ATP8B3: variants seen among roughly 807,000 people sequenced by gnomAD.
ATP8B3 encodes the protein ATPase phospholipid transporting 8B3, also known as phospholipid-transporting ATPase IK.
Under a neutral mutation model 140.9 loss-of-function variants are expected in ATP8B3, and 141 were observed. That is an observed-to-expected ratio of 1.00 (90% CI 0.87 to 1.15). The LOEUF is 1.15. Ranked by LOEUF, ATP8B3 falls within the 50% of genes most tolerant of loss-of-function variation. ATP8B3 has a pLI of 0.00. For missense variants in ATP8B3, 1,874 were observed against 1,740.6 expected (o/e 1.08, Z -1.36); for synonymous variants, 765 against 714.6 (o/e 1.07, Z -1.13).
rs577911398 is a variant in ATP8B3, at chr19:1,794,039, T to G, written c.2055+1836A>C. Among the ~76,000 whole-genome samples the G allele has an allele frequency of 8.0e-5, 12 of 149,308 alleles. No homozygotes were observed. Among genetic ancestry groups the G allele is most frequent in the Non-Finnish European group, 1.8e-4 (12 of 67,300 alleles). On this transcript the variant is annotated intron_variant, in intron 18 of 28. Coordinates refer to ENST00000310127, the MANE Select transcript of ATP8B3 (RefSeq NM_138813.4). This position sits in a 1 kb window ranked among gnomAD's most constrained non-coding sequence, Gnocchi z 4.8. ...GCGTGAGCCATCGCGCCAGCCTGTT[T>G]ATTAAGAGACAGGGGTCTCGCCCTG... is the stretch of plus-strand genomic sequence containing the variant.
intron 10 of ATP8B3, among the ~76,000 whole-genome samples, chr19:1,804,347 T>C (rs1003689284): frequency 3.3e-5 from 5 of 152,100 alleles, no homozygotes; most frequent in African/African-American, 9.7e-5. Context: ...CGGTGGCTCA[T>C]GCCTGTAATC....
chr19:1,793,293 T>G (rs2068572071), intron 18 of ATP8B3, among the ~76,000 whole-genome samples: 1 of 151,970 alleles, frequency 6.6e-6, no homozygotes, highest in African/African-American at 2.4e-5. Context: ...TAAATAGAGG[T>G]GGTTTCACCA....
Position 1,796,245 on chromosome 19 carries a change from C to T in ATP8B3, c.1774G>A (p.Ala592Thr). 6.2e-7 allele frequency: 1 copy of T among 1,611,242 alleles called. No individual in the cohort carries two copies. Among genetic ancestry groups the T allele is most frequent in the Non-Finnish European group, 8.5e-7 (1 of 1,179,410 alleles). Reference sequence around the variant, plus strand: ...ACCAGCGCCCCCTCGTCGGGGGAGGCCGCCTGGTACAACAGCTGGTCTGGT... The same window carrying T: ...ACCAGCGCCCCCTCGTCGGGGGAGGTCGCCTGGTACAACAGCTGGTCTGGT... ...ERPDQLLYQAASPDEGALVTA... is the reference protein window; with the variant it reads ...ERPDQLLYQATSPDEGALVTA... Residue 592 changes from alanine (A) to threonine (T), a missense_variant, in exon 17 of 29, where the codon GCC (alanine) becomes ACC (threonine). Ala to Thr is a moderately conservative substitution (Grantham distance 58, BLOSUM62 0). This residue lies in a region of ATP8B3 where 1,032 missense variants were observed against 963.6 expected (regional missense o/e 1.07). Transcript: ENST00000310127.
rs752082674 is a variant in ATP8B3, at chr19:1,809,701, G to A, written c.344C>T (p.Ala115Val). 9 of 1,611,458 alleles carry A rather than the reference G, an allele frequency of 5.6e-6. 1 individual carries two copies. The South Asian group carries it at 9.9e-5, about 18-fold the overall frequency. Reference protein sequence around the residue: ...FTWKVQANNRAYNGQFKEKVI... With the variant: ...FTWKVQANNRVYNGQFKEKVI... The stretch of plus-strand genomic sequence containing the variant: ...CTTCTCCTTGAACTGCCCGTTGTAG[G>A]CACGGTTGTTGGCCTGGACCTTCCA... The change falls in exon 4 of 29, where the codon GCC becomes GTC. Residue 115 changes from alanine to valine, a missense_variant. Physicochemically the swap from Ala to Val is moderately conservative, Grantham distance 64. Coordinates refer to ENST00000310127, the MANE Select transcript of ATP8B3 (RefSeq NM_138813.4).
In ATP8B3 at chr19:1,791,781, G is replaced by T; in HGVS notation, c.2271C>A (p.Ile757=). 6.2e-7 allele frequency: 1 copy of T among 1,611,796 alleles called. No homozygotes were observed. ...ETIKCLKKSN[I]KIWVLTGDKQ... ...TGTCCCCGGTGAGCACCCATATTTT[G>T]ATGTTGCTCTTCTTGAGACATTTGA... Residue 757 remains isoleucine (I), a synonymous_variant, in exon 20 of 29, where the codon ATC becomes ATA. Coordinates refer to ENST00000310127, the MANE Select transcript of ATP8B3 (RefSeq NM_138813.4).
intron 24 of ATP8B3, 112 bp downstream of exon 24, chr19:1,788,785 C>T (rs1465358099): frequency 1.9e-6 from 2 of 1,055,590 alleles, no homozygotes; most frequent in African/African-American, 1.6e-5. Flanking sequence ...AAGCCCTGTC[C>T]ACCGAGGATC....
chr19:1,810,742 T>C, intron 2 of ATP8B3, 59 bp from the exon 3 acceptor site: 1 of 1,539,946 alleles, frequency 6.5e-7, no homozygotes, highest in Non-Finnish European at 8.8e-7. Flanking sequence ...TGGGCACCAC[T>C]CGGTCTTCAA....
chr19:1,806,795 C>G lies in ATP8B3; in HGVS notation c.616-106G>C, dbSNP rs897169334. 2 of 1,274,092 alleles carry G rather than the reference C, an allele frequency of 1.6e-6. No individual in the cohort carries two copies. The highest frequency in any genetic ancestry group is 3.0e-5 in the African/African-American group (2 of 67,582). 78.9% of individuals were successfully genotyped at this position (1,274,092 alleles called of 1,614,324 possible). A position where few individuals can be genotyped will look rare whatever the true frequency, so the allele number is the denominator to read the frequency against. On this transcript the variant is annotated intron_variant, in intron 6 of 28. Coordinates refer to ENST00000310127, the MANE Select transcript of ATP8B3 (RefSeq NM_138813.4). The surrounding 1 kb of genome is among the most constrained non-coding windows in gnomAD (Gnocchi z 5.6). ...CAGTGCCCGCCCGCAACACGGGGTC[C>G]CTGTCCGCTGGCCCCACGCCACGTT...
Position 1,800,233 on chromosome 19 carries a change from C to T in ATP8B3, c.1343+26G>A, listed in dbSNP as rs377053479. The T allele has an allele frequency of 2.8e-5, 45 of 1,606,272 alleles. No homozygotes were observed. Among genetic ancestry groups the T allele is most frequent in the Admixed American group, 1.0e-4 (6 of 58,966 alleles). ...ATGCCTCCCCGTTCCGCGTTTGCACCGGGGACGCAGCCGGCGGAGACTCAC... is the reference window on the plus strand; with the variant it reads ...ATGCCTCCCCGTTCCGCGTTTGCACTGGGGACGCAGCCGGCGGAGACTCAC... On this transcript the variant is annotated intron_variant, in intron 13 of 28. Transcript: ENST00000310127. This position sits in a 1 kb window ranked among gnomAD's most constrained non-coding sequence, Gnocchi z 4.4.
intron 21 of ATP8B3, 66 bp from the exon 22 acceptor site, chr19:1,790,055 C>T: frequency 8.0e-7 from 1 of 1,247,598 alleles, no homozygotes; most frequent in Non-Finnish European, 1.2e-6. Context: ...CCCGGGGGCT[C>T]CACTGCCCCT....
rs768349090 is a variant in ATP8B3 at position 1,784,912 on chromosome 19, G to T, written c.3567C>A (p.Ile1189=). The change falls in exon 28 of 29, where the codon ATC becomes ATA. Residue 1189 remains isoleucine (I), a synonymous_variant. Coordinates refer to ENST00000310127, the MANE Select transcript of ATP8B3 (RefSeq NM_138813.4). ...ACACACTCAGCAGGACCACCAGCAG[G>T]ATGGAGGGAGAGGACATCACGCTGA... ...ADLSVMSSPS[I]LLVVLLSVSI... 1.2e-6 allele frequency: 2 copies of T among 1,613,210 alleles called. No individual in the cohort carries two copies. Among genetic ancestry groups the T allele is most frequent in the South Asian group, 2.2e-5 (2 of 91,004 alleles).
At position 1,788,978 on chromosome 19, in the gene ATP8B3, G is replaced by C; in HGVS notation, c.2988C>G (p.Phe996Leu). Residue 996 changes from phenylalanine to leucine, a missense_variant, in exon 24 of 29, where the codon TTC (phenylalanine) becomes TTG (leucine). Transcript: ENST00000310127. The stretch of plus-strand genomic sequence containing the variant: ...TGCTCTTGTAGAAGAAGTAGCGCAG[G>C]AACTTGCAGATCCGCACGTAGGACC... Reference protein sequence around the residue: ...GRWSYVRICKFLRYFFYKSMA... With the variant: ...GRWSYVRICKLLRYFFYKSMA... 6.2e-7 allele frequency: 1 copy of C among 1,610,270 alleles called. No homozygotes were observed. The highest frequency in any genetic ancestry group is 8.5e-7 in the Non-Finnish European group (1 of 1,178,668).
In ATP8B3 at chr19:1,784,716, CGA is replaced by C. The variant is rs1600383422; in HGVS notation, c.3660+101_3660+102del. Reference sequence around the variant, plus strand: ...CCCCAAGCCTAGTGTCTTGGAGGGCCGAGAGGGGCCGGGACACCTTGCAGTCC... The same window carrying C: ...CCCCAAGCCTAGTGTCTTGGAGGGCCGAGGGGCCGGGACACCTTGCAGTCC... On this transcript the variant is annotated intron_variant, in intron 28 of 28. Transcript: ENST00000310127. 9 of 1,405,296 alleles carry C rather than the reference CGA, an allele frequency of 6.4e-6. No individual in the cohort carries two copies. The East Asian group carries it at 2.0e-4, about 32-fold the overall frequency. 87.1% of individuals were successfully genotyped at this position (1,405,296 alleles called of 1,614,324 possible). A position where few individuals can be genotyped will look rare whatever the true frequency, so the allele number is the denominator to read the frequency against.
Position 1,789,107 on chromosome 19 carries a change from G to A in ATP8B3, c.2859C>T (p.Gly953=), listed in dbSNP as rs1382025463. The A allele has an allele frequency of 1.3e-6, 2 of 1,588,510 alleles. No homozygotes were observed. The highest frequency in any genetic ancestry group is 1.7e-6 in the Non-Finnish European group (2 of 1,172,720). Residue 953 remains glycine, a synonymous_variant, in exon 24 of 29, where the codon GGC becomes GGT. Coordinates refer to ENST00000310127, the MANE Select transcript of ATP8B3 (RefSeq NM_138813.4). ...TGCCCTCCTGGCCCGCCAGCCCCAC[G>A]CCCACGTCCGCGGCTGCAGGGCACA... ...DINMIKTADV[G]VGLAGQEGMQ...
At position 1,807,056 on chromosome 19, in the gene ATP8B3, C is replaced by T; in HGVS notation, c.615+112G>A. ...CAGCTGAGGCTCCCAGGCCCACGTT[C>T]CCCTAATGCTCCAGGAAGCCCAGCC... On this transcript the variant is annotated intron_variant, in intron 6 of 28. Coordinates refer to ENST00000310127, the MANE Select transcript of ATP8B3 (RefSeq NM_138813.4). The surrounding 1 kb of genome is among the most constrained non-coding windows in gnomAD (Gnocchi z 5.9). 1.0e-6 allele frequency: 1 copy of T among 965,598 alleles called. No individual in the cohort carries two copies. 59.8% of individuals were successfully genotyped at this position (965,598 alleles called of 1,614,324 possible).
At chr19:1,795,279 C>G (rs1228935232) in intron 18 of ATP8B3, among the ~76,000 whole-genome samples, 1 of 151,544 alleles carries the variant, frequency 6.6e-6, no homozygotes, top group Non-Finnish European at 1.5e-5. Context: ...AGGCTGGGCG[C>G]GATGGCTCAT....
At position 1,785,540 on chromosome 19, in the gene ATP8B3, C is replaced by A; in HGVS notation, c.3322G>T (p.Ala1108Ser). The change falls in exon 26 of 29, where the codon GCC becomes TCC. Residue 1108 changes from alanine (A) to serine (S), a missense_variant. Ala to Ser is a moderately conservative substitution (Grantham distance 99, BLOSUM62 1). This residue lies in a region of ATP8B3 where 840 missense variants were observed against 760.9 expected (regional missense o/e 1.10). Transcript: ENST00000310127. ...LWISRDTAGPASFSDHQSFAV... is the reference protein window; with the variant it reads ...LWISRDTAGPSSFSDHQSFAV... ...AAGGACTGGTGGTCGCTGAAGCTGGCGGGTCCCGCCGTGTCGCGGCTGATC... is the reference window on the plus strand; with the variant it reads ...AAGGACTGGTGGTCGCTGAAGCTGGAGGGTCCCGCCGTGTCGCGGCTGATC... The A allele has an allele frequency of 1.9e-6, 3 of 1,612,506 alleles. No homozygotes were observed. Among genetic ancestry groups the A allele is most frequent in the African/African-American group, 1.3e-5 (1 of 75,046 alleles).
chr19:1,789,934 G>A lies in ATP8B3; in HGVS notation c.2434C>T (p.Leu812=). The A allele has an allele frequency of 6.2e-7, 1 of 1,612,172 alleles. No homozygotes were observed. Among genetic ancestry groups the A allele is most frequent in the Non-Finnish European group, 8.5e-7 (1 of 1,179,584 alleles). The change falls in exon 22 of 29, where the codon CTG becomes TTG. Residue 812 remains leucine, a synonymous_variant. Coordinates refer to ENST00000310127, the MANE Select transcript of ATP8B3 (RefSeq NM_138813.4). ...ACCAAGGCCAGCTTGACCTGCGACA[G>A]GGACTCCCTGGTTAGAAGGTTGTTA... ...NSNNLLTRES[L]SQVKLALVIN...
At chr19:1,802,414 CACCCAT>C in intron 11 of ATP8B3, 67 bp downstream of exon 11, 3 of 480,046 alleles carry the variant, frequency 6.2e-6, no homozygotes, top group Admixed American at 3.6e-5. Flanking sequence ...CCTACCCACC[CACCCAT>C]CCCCACATCC....
Sources: allele counts gnomAD v4.1 joint callset (sites outside exome capture counted in the v4.1 genomes callset), GRCh38; gene constraint gnomAD v4.1.1; regional missense constraint gnomAD v4.1.1; non-coding constraint Gnocchi (gnomAD v3.1); transcripts MANE v1.5; gene names NCBI Gene and HGNC (gene_info 2026-07-23, HGNC 2026-07-21).